The following KLHL29 variants were observed in gnomAD, a reference collection of about 807,000 sequenced individuals.
The protein encoded by KLHL29 is kelch like family member 29.
A neutral mutation model predicts 80.4 loss-of-function variants in KLHL29; 21 were observed. The observed-to-expected ratio is 0.26, with a 90% CI of 0.19 to 0.38. The LOEUF is 0.38. Ranked by LOEUF, KLHL29 falls within the 10% of genes least tolerant of loss-of-function variation. The probability of loss-of-function intolerance (pLI) is 1.00; values close to 1 mark genes in which losing one functional copy is unlikely to be tolerated. For missense variants in KLHL29, 867 were observed against 1,223.9 expected (o/e 0.71, Z 4.35); for synonymous variants, 511 against 526.8 (o/e 0.97, Z 0.41).
intron 1 of KLHL29, among the ~76,000 whole-genome samples, chr2:23,388,035 C>G (rs1191696011): frequency 9.9e-5 from 15 of 152,056 alleles, no homozygotes. Context: ...AACGAAATAC[C>G]TAGAGTTTTA....
rs1671051792 is a variant in KLHL29 at position 23,680,469 on chromosome 2, T to A, written c.941-3930T>A. ...GCAGTCCCACAGACGTAGGCGGGCA[T>A]CCCGCTCAAAGCCGAGGAGACCCAA... On this transcript the variant is annotated intron_variant, in intron 5 of 13. Coordinates refer to ENST00000486442, the MANE Select transcript of KLHL29 (RefSeq NM_052920.2). The surrounding 1 kb of genome is among the most constrained non-coding windows in gnomAD (Gnocchi z 4.1). Among the ~76,000 whole-genome samples, 1 of 152,106 alleles carries A rather than the reference T, an allele frequency of 6.6e-6. No individual in the cohort carries two copies. The highest frequency in any genetic ancestry group is 1.5e-5 in the Non-Finnish European group (1 of 68,006).
chr2:23,444,157 T>C (rs1233116195), intron 1 of KLHL29, among the ~76,000 whole-genome samples: 1 of 152,212 alleles, frequency 6.6e-6, no homozygotes, highest in African/African-American at 2.4e-5. Flanking sequence ...TTAGTGGGAC[T>C]TACCTCTTAG....
chr2:23,685,326 C>T (rs1244861756), intron 6 of KLHL29: 1 of 152,202 alleles, frequency 6.6e-6, no homozygotes, highest in Non-Finnish European at 1.5e-5. Flanking sequence ...CTTCCAGCTC[C>T]GTAGTAAGGG....
intron 2 of KLHL29, among the ~76,000 whole-genome samples, chr2:23,502,655 G>T (rs1026384284): frequency 6.6e-6 from 1 of 152,250 alleles, no homozygotes; most frequent in Non-Finnish European, 1.5e-5. Context: ...GTCACTAGGC[G>T]CAGGCGGTCA....
At chr2:23,643,011 G>C (rs931449201) in intron 5 of KLHL29, 161 bp downstream of exon 5, 1 of 853,458 alleles carries the variant, frequency 1.2e-6, no homozygotes, top group Non-Finnish European at 1.9e-6. Flanking sequence ...AAGACAACTG[G>C]CCTGAGATGG....
rs1666144685 is a variant in KLHL29, at chr2:23,385,332, G to C, written c.-602G>C. The C allele has an allele frequency of 6.8e-6, 1 of 146,438 alleles. No individual in the cohort carries two copies. Among genetic ancestry groups the C allele is most frequent in the East Asian group, 2.0e-4 (1 of 5,004 alleles). The allele number at this position is 146,438 out of a possible 1,614,324, so 9.1% of individuals were successfully genotyped here. On this transcript the variant is annotated 5_prime_UTR_variant, in exon 1 of 14. Coordinates refer to ENST00000486442, the MANE Select transcript of KLHL29 (RefSeq NM_052920.2). ...CTCCGCAGCGCCCGTCCGCAGCCCC[G>C]GCGGTCGCCGCGCTTGAGCGCAGCC...
chr2:23,629,250 C>T (rs1457708753), intron 3 of KLHL29, among the ~76,000 whole-genome samples: 1 of 151,402 alleles, frequency 6.6e-6, no homozygotes, highest in Non-Finnish European at 1.5e-5. Context: ...ACATCACAGG[C>T]ATCTGCTGAG....
At chr2:23,686,122 G>A (rs996310487) in intron 6 of KLHL29, among the ~76,000 whole-genome samples, 2 of 151,216 alleles carry the variant, frequency 1.3e-5, no homozygotes, top group African/African-American at 2.4e-5. Context: ...ATTCCAGGCC[G>A]GGGATGGGGC....
At chr2:23,533,456 C>G (rs1474005165) in intron 2 of KLHL29, among the ~76,000 whole-genome samples, 5 of 152,150 alleles carry the variant, frequency 3.3e-5, no homozygotes, top group Non-Finnish European at 7.4e-5. Context: ...CATTTGGCGT[C>G]AGAGAAAACG....
At chr2:23,592,368 AGGCT>A in intron 3 of KLHL29, among the ~76,000 whole-genome samples, 1 of 152,372 alleles carries the variant, frequency 6.6e-6, no homozygotes, top group South Asian at 2.1e-4. Flanking sequence ...GGAGTCCTAG[AGGCT>A]GAGCCCTGCT....
chr2:23,459,860 C>A (rs968253801), intron 1 of KLHL29, among the ~76,000 whole-genome samples: 1 of 152,146 alleles, frequency 6.6e-6, no homozygotes, highest in Non-Finnish European at 1.5e-5. Flanking sequence ...GTGACCTTAA[C>A]AAGAGAACTT....
intron 1 of KLHL29, among the ~76,000 whole-genome samples, chr2:23,453,455 G>A (rs961880541): frequency 2.0e-5 from 3 of 152,226 alleles, no homozygotes; most frequent in Non-Finnish European, 2.9e-5. Flanking sequence ...TAGAAGTGTG[G>A]GTGCAGCATT....
At chr2:23,518,612 C>A (rs546186770) in intron 2 of KLHL29, among the ~76,000 whole-genome samples, 1 of 152,146 alleles carries the variant, frequency 6.6e-6, no homozygotes, top group African/African-American at 2.4e-5. Flanking sequence ...CTGGTGTGGG[C>A]GCTGTAGCAC....
intron 3 of KLHL29, among the ~76,000 whole-genome samples, chr2:23,612,086 A>G (rs188343000): frequency 6.6e-4 from 100 of 152,286 alleles, no homozygotes; most frequent in Non-Finnish European, 1.2e-3. Flanking sequence ...TTTCAAGAAA[A>G]TGGGTGAGAA....
chr2:23,634,761 C>T (rs576776197), intron 3 of KLHL29, among the ~76,000 whole-genome samples: 3 of 152,340 alleles, frequency 2.0e-5, no homozygotes, highest in South Asian at 2.1e-4. Context: ...GCCCCCATGA[C>T]GTGGAAACCT....
intron 1 of KLHL29, among the ~76,000 whole-genome samples, chr2:23,389,639 G>C (rs1380513845): frequency 6.6e-6 from 1 of 151,194 alleles, no homozygotes; most frequent in African/African-American, 2.4e-5. Context: ...AGGCTGCAGT[G>C]AACAGTGATC....
intron 3 of KLHL29, among the ~76,000 whole-genome samples, chr2:23,610,194 G>A (rs2103529429): frequency 6.6e-6 from 1 of 152,310 alleles, no homozygotes; most frequent in African/African-American, 2.4e-5. Flanking sequence ...GGGGTGGGAT[G>A]GGGCGATACT....
intron 2 of KLHL29, among the ~76,000 whole-genome samples, chr2:23,501,417 G>A (rs1286140947): frequency 1.3e-5 from 2 of 152,038 alleles, no homozygotes; most frequent in African/African-American, 2.4e-5. Context: ...AGATAGCCGC[G>A]GCCGAGAGAC....
chr2:23,410,329 T>C (rs1271698671), intron 1 of KLHL29, among the ~76,000 whole-genome samples: 1 of 129,972 alleles, frequency 7.7e-6, no homozygotes, highest in Non-Finnish European at 1.6e-5. Flanking sequence ...ATGGGCAGGC[T>C]GGGGTGGGGG....
Sources: allele counts gnomAD v4.1 joint callset (sites outside exome capture counted in the v4.1 genomes callset), GRCh38; gene constraint gnomAD v4.1.1; non-coding constraint Gnocchi (gnomAD v3.1); transcripts MANE v1.5; gene names NCBI Gene and HGNC (gene_info 2026-07-23, HGNC 2026-07-21).